The following PI4KA variants were observed in gnomAD, a reference collection of about 807,000 sequenced individuals.
PI4KA encodes phosphatidylinositol 4-kinase alpha.
In PI4KA, 122 loss-of-function variants were observed where a neutral mutation model predicts 271.4. That is an observed-to-expected ratio of 0.45 (90% confidence interval 0.39 to 0.52). PI4KA has a LOEUF of 0.52. Among genes scored for constraint, PI4KA ranks in the 20% least tolerant of loss-of-function variants. The pLI, the probability that PI4KA is intolerant of heterozygous loss-of-function variation, is 0.00. For missense variants in PI4KA, 1,969 were observed against 2,769.1 expected (o/e 0.71, Z 6.48); for synonymous variants, 1,041 against 1,078.8 (o/e 0.96, Z 0.69).
At chr22:20,838,132 A>C (rs1175363600) in intron 2 of PI4KA, among the ~76,000 whole-genome samples, 1 of 152,082 alleles carries the variant, frequency 6.6e-6, no homozygotes, top group Non-Finnish European at 1.5e-5. Flanking sequence ...AAAAAAAAAA[A>C]AACAAGATAC....
intron 1 of PI4KA, among the ~76,000 whole-genome samples, chr22:20,846,178 G>A (rs1290470884): frequency 6.9e-6 from 1 of 145,264 alleles, no homozygotes; most frequent in Non-Finnish European, 1.5e-5. Context: ...GCAGGAGAAT[G>A]GCATGAACCC....
chr22:20,814,081 G>A (rs1921417096), intron 7 of PI4KA, among the ~76,000 whole-genome samples: 1 of 152,170 alleles, frequency 6.6e-6, no homozygotes, highest in Non-Finnish European at 1.5e-5. Flanking sequence ...TTACAGGCGT[G>A]AGCCACCATG....
intron 1 of PI4KA, among the ~76,000 whole-genome samples, chr22:20,851,544 G>A (rs1926981678): frequency 6.6e-6 from 1 of 152,088 alleles, no homozygotes; most frequent in Admixed American, 6.6e-5. Context: ...CACCATGTTG[G>A]CCAGGCTGGT....
chr22:20,709,496 G>A (rs1924968933), intron 53 of PI4KA, 117 bp from the exon 54 acceptor site: 1 of 735,632 alleles, frequency 1.4e-6, no homozygotes, highest in Non-Finnish European at 2.4e-6. Context: ...CCCTGGAAAT[G>A]TACCTTTGGG....
intron 9 of PI4KA, among the ~76,000 whole-genome samples, chr22:20,808,564 T>C (rs1461625673): frequency 3.5e-5 from 5 of 141,982 alleles, no homozygotes; most frequent in Non-Finnish European, 7.6e-5. Flanking sequence ...CACTCCAGCC[T>C]GGGTGACAGA....
rs574204922 is a variant in PI4KA, at chr22:20,796,393, G to A, written c.2109-79C>T. The A allele has an allele frequency of 1.2e-5, 17 of 1,407,288 alleles. 1 individual carries two copies. The highest frequency in any genetic ancestry group is 7.4e-5 in the East Asian group (3 of 40,338). 87.2% of individuals were successfully genotyped at this position (1,407,288 alleles called of 1,614,324 possible). ...AGGGACGGCACTGCAGGGGTGAGGC[G>A]AGCTGAGCGGGCCAGGCCCAGCCTG... On this transcript the variant is annotated intron_variant, in intron 17 of 54. Transcript: ENST00000255882.
intron 7 of PI4KA, among the ~76,000 whole-genome samples, chr22:20,816,917 G>A (rs1343457247): frequency 2.0e-5 from 3 of 152,212 alleles, no homozygotes; most frequent in Non-Finnish European, 4.4e-5. Context: ...ACAATGAGCT[G>A]TTTACCAGGA....
chr22:20,724,687 T>G (rs915660583), intron 42 of PI4KA, among the ~76,000 whole-genome samples: 12 of 151,690 alleles, frequency 7.9e-5, no homozygotes, highest in Admixed American at 3.9e-4. Flanking sequence ...GAGTCCTGAG[T>G]TGGTACAACC....
chr22:20,809,494 C>T (rs1935871924), intron 9 of PI4KA, among the ~76,000 whole-genome samples: 1 of 150,980 alleles, frequency 6.6e-6, no homozygotes, highest in Non-Finnish European at 1.5e-5. Context: ...GAACAAATTA[C>T]AAAACAAAAA....
chr22:20,725,550 G>C (rs922565673), intron 42 of PI4KA: 2 of 451,738 alleles, frequency 4.4e-6, no homozygotes, highest in African/African-American at 2.0e-5. Context: ...TTAGGACACA[G>C]ACACACACAA....
At chr22:20,806,296 C>T (rs178047) in intron 10 of PI4KA, among the ~76,000 whole-genome samples, 75,581 of 152,030 alleles carry the variant, frequency 0.5, 19,367 homozygotes, top group African/African-American at 0.6. Flanking sequence ...ATTGTTTCCT[C>T]ACTTCTGGGA....
intron 42 of PI4KA, among the ~76,000 whole-genome samples, chr22:20,724,074 G>A (rs186517231): frequency 1.7e-3 from 253 of 151,840 alleles, no homozygotes; most frequent in African/African-American, 5.7e-3. Flanking sequence ...TCCTGACCTC[G>A]TGATCCGCCC....
rs974737237 is a variant in PI4KA at position 20,838,745 on chromosome 22, C to T, written c.157-14G>A. 3 of 1,485,142 alleles carry T rather than the reference C, an allele frequency of 2.0e-6. No homozygotes were observed. Among genetic ancestry groups the T allele is most frequent in the South Asian group, 2.3e-5 (2 of 87,206 alleles). The allele number at this position is 1,485,142 out of a possible 1,614,324, so 92.0% of individuals were successfully genotyped here. ...AAGCTTTTGGACCTAGAAAATGAGA[C>T]CCCCCCAAAAACAGCTCTACAAAAT... is the stretch of plus-strand genomic sequence containing the variant. On this transcript the variant is annotated splice_polypyrimidine_tract_variant and intron_variant, in intron 1 of 54. Transcript: ENST00000255882.
intron 3 of PI4KA, among the ~76,000 whole-genome samples, chr22:20,828,562 G>C (rs1264247238): frequency 6.6e-6 from 1 of 151,826 alleles, no homozygotes; most frequent in Non-Finnish European, 1.5e-5. Flanking sequence ...GATTTTTTTG[G>C]GGTTTTTTTT....
chr22:20,707,772 G>C lies in PI4KA; in HGVS notation c.*275C>G, dbSNP rs1302651447. 5.9e-5 allele frequency: 32 copies of C among 540,224 alleles called. No individual in the cohort carries two copies. Among genetic ancestry groups the C allele is most frequent in the Non-Finnish European group, 9.8e-5 (29 of 296,234 alleles). The allele number at this position is 540,224 out of a possible 1,614,324, so 33.5% of individuals were successfully genotyped here. ...TCTTTTTTTATACACAATACTTCAT[G>C]TACCTATGAAATAAGACAGGTAGGG... On this transcript the variant is annotated 3_prime_UTR_variant, in exon 55 of 55. Coordinates refer to ENST00000255882, the MANE Select transcript of PI4KA (RefSeq NM_058004.4).
chr22:20,724,469 G>A (rs191372517), intron 42 of PI4KA, among the ~76,000 whole-genome samples: 23 of 151,906 alleles, frequency 1.5e-4, no homozygotes, highest in African/African-American at 4.8e-4. Flanking sequence ...TAAGCCGGGC[G>A]TGGTGGCATG....
At position 20,811,038 on chromosome 22, in the gene PI4KA, A is replaced by G; in HGVS notation, c.1006-6T>C. On this transcript the variant is annotated splice_region_variant and splice_polypyrimidine_tract_variant and intron_variant, in intron 8 of 54. Transcript: ENST00000255882. ...TCCTCAACGATCTTCTTCACCTACC[A>G]AGGAAACAGAACCTCATGAAGCAAC... is the stretch of plus-strand genomic sequence containing the variant. 6.2e-7 allele frequency: 1 copy of G among 1,609,348 alleles called. No individual in the cohort carries two copies. The highest frequency in any genetic ancestry group is 8.5e-7 in the Non-Finnish European group (1 of 1,175,616).
intron 2 of PI4KA, among the ~76,000 whole-genome samples, chr22:20,837,644 T>C (rs1925027176): frequency 6.6e-6 from 1 of 152,110 alleles, no homozygotes; most frequent in South Asian, 2.1e-4. Flanking sequence ...AACTTGGAAT[T>C]TAGAAATAGT....
intron 36 of PI4KA, among the ~76,000 whole-genome samples, chr22:20,730,379 A>G (rs926932595): frequency 2.6e-5 from 4 of 151,772 alleles, no homozygotes; most frequent in African/African-American, 9.7e-5. Flanking sequence ...GGTTCAAGTG[A>G]TCCTCCTGCC....
Sources: gnomAD v4.1 joint callset for allele counts (sites outside exome capture counted in the v4.1 genomes callset) on GRCh38, gnomAD v4.1.1 for gene constraint, MANE v1.5 for transcripts, NCBI Gene and HGNC (gene_info 2026-07-23, HGNC 2026-07-21) for gene names.